Variants in MARK1 observed in about 807,000 individuals in gnomAD.
The protein encoded by MARK1 is microtubule affinity regulating kinase 1, also known as serine/threonine-protein kinase MARK1.
MARK1 carries 40 observed loss-of-function variants against 96.3 expected under a neutral mutation model. That is an observed-to-expected ratio of 0.42 (90% CI 0.32 to 0.54). The LOEUF is 0.54. Ranked by LOEUF, MARK1 falls within the 20% of genes least tolerant of loss-of-function variation. MARK1 has a pLI of 0.16. For missense variants in MARK1, 719 were observed against 984.6 expected, an observed-to-expected ratio of 0.73 and a Z score of 3.61; for synonymous variants, 317 against 341.2, an observed-to-expected ratio of 0.93 and a Z score of 0.78.
chr1:220,614,545 TATAG>T (rs1187075784), intron 6 of MARK1, among the ~76,000 whole-genome samples: 1 of 152,068 alleles, frequency 6.6e-6, no homozygotes, highest in Non-Finnish European at 1.5e-5. Flanking sequence ...ATATACAATA[TATAG>T]AAAGGTAATA....
In MARK1 at chr1:220,657,836, T is replaced by C; in HGVS notation, c.2033+2T>C. ...CAGTGGCAGAACCGACACCTCAAGGTGAGGAGCCACTATTAATACTTCGCT... is the reference window on the plus strand; with the variant it reads ...CAGTGGCAGAACCGACACCTCAAGGCGAGGAGCCACTATTAATACTTCGCT... On this transcript the variant is annotated splice_donor_variant, in intron 17 of 17. Coordinates refer to ENST00000366917, the MANE Select transcript of MARK1 (RefSeq NM_018650.5). LOFTEE classifies it high-confidence loss of function. 6.4e-7 allele frequency: 1 copy of C among 1,563,086 alleles called. No homozygotes were observed. Among genetic ancestry groups the C allele is most frequent in the Non-Finnish European group, 8.6e-7 (1 of 1,159,736 alleles).
intron 16 of MARK1, 61 bp from the exon 17 acceptor site, chr1:220,657,729 A>G: frequency 1.6e-6 from 2 of 1,213,056 alleles, no homozygotes; most frequent in Non-Finnish European, 2.3e-6. Context: ...TTTTAGATAT[A>G]GGTTTTCTTG....
intron 4 of MARK1, among the ~76,000 whole-genome samples, chr1:220,599,233 A>G (rs1409053002): frequency 6.6e-6 from 1 of 152,186 alleles, no homozygotes; most frequent in Non-Finnish European, 1.5e-5. Flanking sequence ...TGTGACAAGT[A>G]AAATTCTTTT....
intron 1 of MARK1, among the ~76,000 whole-genome samples, chr1:220,555,935 T>C (rs762067757): frequency 3.8e-4 from 58 of 152,252 alleles, no homozygotes; most frequent in Non-Finnish European, 8.1e-4. Flanking sequence ...GCTGCTAATA[T>C]GTAGATAGAC....
intron 17 of MARK1, among the ~76,000 whole-genome samples, chr1:220,659,620 G>A (rs1669359809): frequency 6.6e-6 from 1 of 152,068 alleles, no homozygotes; most frequent in Admixed American, 6.6e-5. Flanking sequence ...ATTTCCAGGA[G>A]CTTTCTACAA....
At chr1:220,534,108 T>G (rs1433451987) in intron 1 of MARK1, among the ~76,000 whole-genome samples, 2 of 152,082 alleles carry the variant, frequency 1.3e-5, no homozygotes, top group Non-Finnish European at 2.9e-5. Context: ...GAGTAGATTT[T>G]AGTGGTGGTA....
At chr1:220,582,703 CAT>C (rs930773877) in intron 3 of MARK1, among the ~76,000 whole-genome samples, 4 of 152,188 alleles carry the variant, frequency 2.6e-5, no homozygotes, top group Admixed American at 6.5e-5. Flanking sequence ...CTTATTGAAA[CAT>C]GTGAACATGA....
intron 6 of MARK1, among the ~76,000 whole-genome samples, chr1:220,609,382 C>CT (rs945159737): frequency 2.6e-5 from 4 of 152,028 alleles, no homozygotes; most frequent in Admixed American, 6.6e-5. Flanking sequence ...GCAACCCCTG[C>CT]TTTTTTTTGT....
At chr1:220,640,218 TG>T (rs1668192858) in intron 13 of MARK1, among the ~76,000 whole-genome samples, 1 of 152,224 alleles carries the variant, frequency 6.6e-6, no homozygotes, top group Admixed American at 6.5e-5. Context: ...TGGCATGAAA[TG>T]GTCCCTTGCT....
At chr1:220,606,551 T>C (rs939628002) in intron 6 of MARK1, among the ~76,000 whole-genome samples, 1 of 152,238 alleles carries the variant, frequency 6.6e-6, no homozygotes, top group African/African-American at 2.4e-5. Flanking sequence ...TTGTCTATTT[T>C]GGCTTTTGTT....
At chr1:220,578,829 A>G (rs1399063718) in intron 1 of MARK1, among the ~76,000 whole-genome samples, 1 of 152,090 alleles carries the variant, frequency 6.6e-6, no homozygotes, top group African/African-American at 2.4e-5. Context: ...CCCTAAAGCC[A>G]TGTAGAATAT....
chr1:220,529,733 G>T (rs1318184875), intron 1 of MARK1, among the ~76,000 whole-genome samples: 3 of 152,164 alleles, frequency 2.0e-5, no homozygotes, highest in African/African-American at 7.2e-5. Flanking sequence ...CTTGAAAAAC[G>T]AAAAGAACAA....
intron 1 of MARK1, among the ~76,000 whole-genome samples, chr1:220,531,051 G>A (rs960506288): frequency 6.6e-5 from 10 of 152,230 alleles, no homozygotes; most frequent in African/African-American, 2.2e-4. Flanking sequence ...AGTAATGTAT[G>A]GTAGAAGACA....
chr1:220,593,204 TC>T (rs1306922324), intron 3 of MARK1, among the ~76,000 whole-genome samples: 1 of 152,124 alleles, frequency 6.6e-6, no homozygotes, highest in Non-Finnish European at 1.5e-5. Flanking sequence ...TTGTATTTAT[TC>T]TTTATAATAT....
At chr1:220,586,005 A>ACG (rs1228483273) in intron 3 of MARK1, among the ~76,000 whole-genome samples, 984 of 23,860 alleles carry the variant, frequency 0.041, 11 homozygotes, top group South Asian at 0.28. Context: ...ACACACACAC[A>ACG]CACACACGCG....
At chr1:220,658,428 G>A (rs1283937710) in intron 17 of MARK1, among the ~76,000 whole-genome samples, 1 of 152,154 alleles carries the variant, frequency 6.6e-6, no homozygotes, top group Non-Finnish European at 1.5e-5. Context: ...CTGATTCAGG[G>A]GCCGAGGCAG....
At chr1:220,621,168 T>A (rs1667032559) in intron 9 of MARK1, among the ~76,000 whole-genome samples, 1 of 152,152 alleles carries the variant, frequency 6.6e-6, no homozygotes, top group Non-Finnish European at 1.5e-5. Context: ...TCTTGCTTTG[T>A]CATAAGAATG....
intron 1 of MARK1, among the ~76,000 whole-genome samples, chr1:220,566,128 A>G (rs894088939): frequency 3.9e-5 from 6 of 152,248 alleles, no homozygotes; most frequent in African/African-American, 1.4e-4. Context: ...ATTAAATAAT[A>G]TAATGTCTAA....
chr1:220,561,577 A>G (rs1662671902), intron 1 of MARK1, among the ~76,000 whole-genome samples: 1 of 152,214 alleles, frequency 6.6e-6, no homozygotes, highest in South Asian at 2.1e-4. Context: ...AGAGTTTGAT[A>G]ATAGTGTTTC....
Sources: allele counts gnomAD v4.1 joint callset (sites outside exome capture counted in the v4.1 genomes callset), GRCh38; gene constraint gnomAD v4.1.1; transcripts MANE v1.5; gene names NCBI Gene and HGNC (gene_info 2026-07-23, HGNC 2026-07-21).